UBASH3B: variants seen among roughly 807,000 people sequenced by gnomAD.
UBASH3B encodes the protein ubiquitin-associated and SH3 domain-containing protein B.
Under a neutral mutation model 83.4 loss-of-function variants are expected in UBASH3B, and 37 were observed. The ratio of observed to expected loss-of-function variants is 0.44; its 90% CI spans 0.34 to 0.58. The LOEUF (loss-of-function observed/expected upper bound fraction) is 0.58. UBASH3B is among the 20% of genes least tolerant of loss of function. UBASH3B has a pLI of 0.01. For synonymous variants in UBASH3B, 304 were observed against 318.3 expected (o/e 0.96, Z 0.48); for missense variants, 657 against 827.2 (o/e 0.79, Z 2.52).
At chr11:122,680,887 T>C (rs1863729888) in intron 1 of UBASH3B, among the ~76,000 whole-genome samples, 1 of 152,194 alleles carries the variant, frequency 6.6e-6, no homozygotes, top group Non-Finnish European at 1.5e-5. Flanking sequence ...TCTGATATGT[T>C]GCAAATGGTT....
At chr11:122,696,162 C>T (rs1456827343) in intron 1 of UBASH3B, among the ~76,000 whole-genome samples, 1 of 151,518 alleles carries the variant, frequency 6.6e-6, no homozygotes, top group African/African-American at 2.4e-5. Flanking sequence ...GTTGGCCAGA[C>T]TGGTCTTGAA....
At chr11:122,690,184 A>ATATATCCAAT (rs1439333537) in intron 1 of UBASH3B, among the ~76,000 whole-genome samples, 1 of 21,200 alleles carries the variant, frequency 4.7e-5, no homozygotes, top group African/African-American at 1.6e-4. Flanking sequence ...ATATATATAT[A>ATATATCCAAT]TATATATATA....
At chr11:122,725,057 A>T (rs1019990178) in intron 1 of UBASH3B, among the ~76,000 whole-genome samples, 1 of 14,930 alleles carries the variant, frequency 6.7e-5, no homozygotes, top group Non-Finnish European at 1.7e-4. Context: ...CCTAACCCCC[A>T]CCCCCCGATT....
chr11:122,774,169 C>A, intron 1 of UBASH3B: 5 of 985,368 alleles, frequency 5.1e-6, no homozygotes, highest in Non-Finnish European at 6.0e-6. Flanking sequence ...TGGGAATGAG[C>A]GTGTGTGGGT....
At chr11:122,689,917 G>T (rs909427084) in intron 1 of UBASH3B, among the ~76,000 whole-genome samples, 2 of 151,990 alleles carry the variant, frequency 1.3e-5, no homozygotes, top group Non-Finnish European at 2.9e-5. Context: ...GGGGCATGGA[G>T]CTTCCACGGC....
At chr11:122,785,447 A>G (rs1410190234) in intron 5 of UBASH3B, among the ~76,000 whole-genome samples, 1 of 152,034 alleles carries the variant, frequency 6.6e-6, no homozygotes, top group Admixed American at 6.5e-5. Context: ...AGGCAAGGAC[A>G]CTCTGGCAAG....
chr11:122,668,101 T>G (rs1863544792), intron 1 of UBASH3B, among the ~76,000 whole-genome samples: 1 of 152,188 alleles, frequency 6.6e-6, no homozygotes, highest in Non-Finnish European at 1.5e-5. Flanking sequence ...TTCTCCTGCC[T>G]CAGCCTCCCA....
intron 1 of UBASH3B, among the ~76,000 whole-genome samples, chr11:122,671,144 G>A (rs1863588171): frequency 6.6e-6 from 1 of 152,204 alleles, no homozygotes; most frequent in African/African-American, 2.4e-5. Context: ...GCTGGCTTAG[G>A]AGTGTGGCGC....
At chr11:122,682,229 T>C (rs374202898) in intron 1 of UBASH3B, among the ~76,000 whole-genome samples, 1 of 152,212 alleles carries the variant, frequency 6.6e-6, no homozygotes, top group Non-Finnish European at 1.5e-5. Flanking sequence ...TTCATTTATT[T>C]AGTAGTTGAC....
chr11:122,741,756 G>A (rs1031520275), intron 1 of UBASH3B, among the ~76,000 whole-genome samples: 8 of 152,132 alleles, frequency 5.3e-5, no homozygotes, highest in African/African-American at 1.4e-4. Flanking sequence ...AACTTGGGTG[G>A]CCAGGCTGCT....
At chr11:122,761,111 C>A (rs1221661042) in intron 1 of UBASH3B, among the ~76,000 whole-genome samples, 1 of 152,152 alleles carries the variant, frequency 6.6e-6, no homozygotes, top group Non-Finnish European at 1.5e-5. Flanking sequence ...ACGAGAGTGT[C>A]AGTTGGCAGG....
intron 1 of UBASH3B, among the ~76,000 whole-genome samples, chr11:122,719,560 A>G (rs974406221): frequency 6.6e-6 from 1 of 152,190 alleles, no homozygotes; most frequent in Non-Finnish European, 1.5e-5. Context: ...GTATCCCATC[A>G]CATAGGTCAA....
At chr11:122,729,795 CAAA>C (rs71054092) in intron 1 of UBASH3B, among the ~76,000 whole-genome samples, 21 of 40,900 alleles carry the variant, frequency 5.1e-4, no homozygotes, top group African/African-American at 1.2e-3. Flanking sequence ...CCTATCTCTA[CAAA>C]AAAAAAAAAA....
In UBASH3B at chr11:122,789,000, G is replaced by A. The variant is rs187934146; in HGVS notation, c.772-100G>A. The stretch of plus-strand genomic sequence containing the variant: ...AGGGCTCCTGGGCACATCGCCCTCT[G>A]GAGGTGTGCAGTATTAATGCAGAAC... On this transcript the variant is annotated intron_variant, in intron 5 of 13. Coordinates refer to ENST00000284273, the MANE Select transcript of UBASH3B (RefSeq NM_032873.5). 9.4e-5 allele frequency: 104 copies of A among 1,109,966 alleles called. No homozygotes were observed. The East Asian group carries it at 2.4e-3, about 26-fold the overall frequency. The allele number at this position is 1,109,966 out of a possible 1,614,324, so 68.8% of individuals were successfully genotyped here.
intron 1 of UBASH3B, among the ~76,000 whole-genome samples, chr11:122,660,803 A>T (rs1379194220): frequency 1.3e-5 from 2 of 152,220 alleles, no homozygotes; most frequent in East Asian, 3.8e-4. Context: ...TCTACAACAA[A>T]TGGCTTTTTA....
At chr11:122,718,633 C>T (rs1464517348) in intron 1 of UBASH3B, among the ~76,000 whole-genome samples, 2 of 152,130 alleles carry the variant, frequency 1.3e-5, no homozygotes, top group East Asian at 3.8e-4. Flanking sequence ...AATTATAGTA[C>T]TTTTTATATT....
intron 1 of UBASH3B, among the ~76,000 whole-genome samples, chr11:122,721,373 C>T (rs992212375): frequency 2.0e-5 from 3 of 150,850 alleles, no homozygotes; most frequent in East Asian, 2.0e-4. Flanking sequence ...CACAGCACTA[C>T]GGGGGGGTGG....
intron 1 of UBASH3B, among the ~76,000 whole-genome samples, chr11:122,690,901 C>T (rs78142580): frequency 0.018 from 2,724 of 152,210 alleles, 39 homozygotes; most frequent in Middle Eastern, 0.037. Flanking sequence ...TATTTCCGAG[C>T]TGAGGAACTT....
chr11:122,780,712 T>TGCAGGCGGGCGGGTGGCAGGAGC (rs1860837279), intron 4 of UBASH3B, among the ~76,000 whole-genome samples: 1 of 152,174 alleles, frequency 6.6e-6, no homozygotes, highest in Non-Finnish European at 1.5e-5. Context: ...AGGAAAGGCC[T>TGCAGGCGGGCGGGTGGCAGGAGC]GCAGGCGGGC....
Sources: allele counts gnomAD v4.1 joint callset (sites outside exome capture counted in the v4.1 genomes callset), GRCh38; gene constraint gnomAD v4.1.1; transcripts MANE v1.5; gene names NCBI Gene and HGNC (gene_info 2026-07-23, HGNC 2026-07-21).